The following ANP32A variants were observed in gnomAD, a reference collection of about 807,000 sequenced individuals.
ANP32A encodes the protein acidic nuclear phosphoprotein 32 family member A.
Under a neutral mutation model 33.9 loss-of-function variants are expected in ANP32A, and 1 was observed. That is an observed-to-expected ratio of 0.03 (90% confidence interval 0.01 to 0.14). The LOEUF (loss-of-function observed/expected upper bound fraction) is 0.14. Among genes scored for constraint, ANP32A ranks in the 10% least tolerant of loss-of-function variants. ANP32A has a pLI of 1.00. For synonymous variants in ANP32A, 115 were observed against 120.5 expected (o/e 0.95, Z 0.30); for missense variants, 155 against 306.0 (o/e 0.51, Z 3.68).
Position 68,819,273 on chromosome 15 carries a change from G to A in ANP32A, c.54+1425C>T, listed in dbSNP as rs575839413. Among the ~76,000 whole-genome samples, 4 of 149,264 alleles carry A rather than the reference G, an allele frequency of 2.7e-5. No individual in the cohort carries two copies. The South Asian group carries it at 8.3e-4, about 31-fold the overall frequency. ...CCCCGGTCCCCCCAAGGGGCCAAGA[G>A]GGGAGCTGGCCAGGGTCTCCGCCCC... is the stretch of plus-strand genomic sequence containing the variant. On this transcript the variant is annotated intron_variant, in intron 1 of 6. Transcript: ENST00000465139.
At chr15:68,788,718 T>C (rs956329887) in intron 1 of ANP32A, among the ~76,000 whole-genome samples, 10 of 152,190 alleles carry the variant, frequency 6.6e-5, no homozygotes, top group African/African-American at 2.2e-4. Context: ...CGGTCCAGCA[T>C]AGACGTGGAA....
intron 1 of ANP32A, chr15:68,790,008 A>G (rs954945576): frequency 2.0e-5 from 3 of 152,350 alleles, no homozygotes. Context: ...AGCATCGCAG[A>G]GCCAGGAAGC....
chr15:68,796,770 C>T (rs894440904), intron 1 of ANP32A, among the ~76,000 whole-genome samples: 3 of 152,190 alleles, frequency 2.0e-5, no homozygotes, highest in African/African-American at 7.2e-5. Flanking sequence ...GTGTGACCTT[C>T]GGGAAGTCAC....
Position 68,785,515 on chromosome 15 carries a change from T to A in ANP32A, c.328-920A>T, listed in dbSNP as rs145620913. Among the ~76,000 whole-genome samples the A allele has an allele frequency of 1.1e-3, 172 of 152,048 alleles. 1 individual carries two copies. The highest frequency in any genetic ancestry group is 4.1e-3 in the African/African-American group (171 of 41,460). ...GGAGTGAAACCATTGCTCCTTGGAG[T>A]CAATGTCGGGAGCTAGGTTGCTCTC... On this transcript the variant is annotated intron_variant, in intron 3 of 6. Transcript: ENST00000465139.
At chr15:68,808,607 C>CT (rs1397247535) in intron 1 of ANP32A, among the ~76,000 whole-genome samples, 3 of 152,240 alleles carry the variant, frequency 2.0e-5, no homozygotes, top group Non-Finnish European at 4.4e-5. Flanking sequence ...AGTTACACCA[C>CT]TTAGGCCTGC....
At chr15:68,794,703 G>A (rs1489284721) in intron 1 of ANP32A, among the ~76,000 whole-genome samples, 2 of 152,180 alleles carry the variant, frequency 1.3e-5, no homozygotes, top group Admixed American at 1.3e-4. Flanking sequence ...CGATGGTTTT[G>A]CTGAACAGCC....
intron 1 of ANP32A, among the ~76,000 whole-genome samples, chr15:68,811,640 A>T (rs1894313447): frequency 6.6e-6 from 1 of 152,214 alleles, no homozygotes; most frequent in Non-Finnish European, 1.5e-5. Flanking sequence ...CTAGTGGGAA[A>T]AAGTAACTCC....
chr15:68,783,401 G>A (rs1331404677), intron 4 of ANP32A, among the ~76,000 whole-genome samples: 1 of 152,014 alleles, frequency 6.6e-6, no homozygotes, highest in Non-Finnish European at 1.5e-5. Flanking sequence ...GGTTAAAGGT[G>A]AGAGATCTGA....
intron 1 of ANP32A, among the ~76,000 whole-genome samples, chr15:68,800,754 A>AAAAAAAAAAAAAG (rs769179889): frequency 4.7e-5 from 7 of 149,342 alleles, no homozygotes; most frequent in Non-Finnish European, 8.9e-5. Context: ...AAAAAAAAAA[A>AAAAAAAAAAAAAG]AAAGAAAGAA....
chr15:68,801,782 A>T (rs949984981), intron 1 of ANP32A: 2 of 154,524 alleles, frequency 1.3e-5, no homozygotes, highest in Non-Finnish European at 2.9e-5. Flanking sequence ...GTCTCTCTTC[A>T]CTGTAATCCT....
chr15:68,795,066 T>C (rs935670187), intron 1 of ANP32A, among the ~76,000 whole-genome samples: 2 of 152,078 alleles, frequency 1.3e-5, no homozygotes, highest in Non-Finnish European at 2.9e-5. Flanking sequence ...GCGATTCGTT[T>C]CCCTGCAGCA....
intron 1 of ANP32A, chr15:68,817,649 C>A (rs1281833681): frequency 6.6e-6 from 1 of 150,780 alleles, no homozygotes; most frequent in African/African-American, 2.5e-5. Flanking sequence ...ACGGCGAAAC[C>A]CCGGAGAGGA....
rs548086997 is a variant in ANP32A, at chr15:68,782,044, G to T, written c.624+912C>A. On this transcript the variant is annotated intron_variant, in intron 5 of 6. Transcript: ENST00000465139. ...TGAGGGAGACAGGAAACTGCGGGGG[G>T]AGTTGGGAGGGGACACAGGCGCCTT... 3.9e-5 allele frequency among the ~76,000 whole-genome samples: 6 copies of T among 152,332 alleles called. No individual in the cohort carries two copies. In the South Asian group the frequency reaches 6.2e-4, roughly 16 times the overall value.
At chr15:68,816,502 C>T (rs889426098) in intron 1 of ANP32A, among the ~76,000 whole-genome samples, 2 of 152,158 alleles carry the variant, frequency 1.3e-5, no homozygotes, top group Non-Finnish European at 2.9e-5. Context: ...GCTATGTAAG[C>T]ACTAGCTAAT....
chr15:68,796,957 G>A (rs1233072642), intron 1 of ANP32A, among the ~76,000 whole-genome samples: 1 of 152,106 alleles, frequency 6.6e-6, no homozygotes, highest in Non-Finnish European at 1.5e-5. Context: ...CCAATTTCAT[G>A]GGTCAAGGGG....
At chr15:68,782,773 C>G in intron 5 of ANP32A, 183 bp downstream of exon 5, 2 of 1,132,272 alleles carry the variant, frequency 1.8e-6, no homozygotes, top group South Asian at 3.3e-5. Flanking sequence ...CCAGAGCTTA[C>G]TGCAAGTCTT....
intron 1 of ANP32A, among the ~76,000 whole-genome samples, chr15:68,794,588 CCT>C (rs1202151426): frequency 6.6e-6 from 1 of 152,170 alleles, no homozygotes; most frequent in Non-Finnish European, 1.5e-5. Context: ...TGGGCCATCC[CCT>C]GTTGCAGATC....
chr15:68,797,862 A>G (rs1300974615), intron 1 of ANP32A, among the ~76,000 whole-genome samples: 1 of 150,896 alleles, frequency 6.6e-6, no homozygotes, highest in Non-Finnish European at 1.5e-5. Context: ...TCTCAGTGTC[A>G]CCCTAGTGCC....
intron 3 of ANP32A, among the ~76,000 whole-genome samples, chr15:68,785,759 C>A (rs773159922): frequency 6.6e-6 from 1 of 152,174 alleles, no homozygotes; most frequent in East Asian, 1.9e-4. Context: ...TGAACATGAA[C>A]GTGCCTGAGT....
Sources: gnomAD v4.1 joint callset for allele counts (sites outside exome capture counted in the v4.1 genomes callset) on GRCh38, gnomAD v4.1.1 for gene constraint, MANE v1.5 for transcripts, NCBI Gene and HGNC (gene_info 2026-07-23, HGNC 2026-07-21) for gene names.